R3HCC1L: variants seen among roughly 807,000 people sequenced by gnomAD.
The protein encoded by R3HCC1L is coiled-coil domain-containing protein R3HCC1L.
A neutral mutation model predicts 59.9 loss-of-function variants in R3HCC1L; 51 were observed. The observed-to-expected ratio is 0.85, with a 90% CI of 0.68 to 1.07. The LOEUF (loss-of-function observed/expected upper bound fraction) is 1.07, where lower values mean the gene tolerates loss of function less well. Ranked by LOEUF, R3HCC1L falls within the 50% of genes least tolerant of loss-of-function variation. The pLI is 0.00. For synonymous variants in R3HCC1L, 322 were observed against 315.2 expected, an observed-to-expected ratio of 1.02 and a Z score of -0.23; for missense variants, 965 against 933.0, an observed-to-expected ratio of 1.03 and a Z score of -0.45.
intron 4 of R3HCC1L, among the ~76,000 whole-genome samples, chr10:98,177,261 A>G (rs957430609): frequency 2.0e-5 from 3 of 151,852 alleles, no homozygotes; most frequent in African/African-American, 4.8e-5. Flanking sequence ...ATTCCCACCT[A>G]TGAGTGAGAA....
At chr10:98,243,114 A>G (rs1857724301) in intron 9 of R3HCC1L, among the ~76,000 whole-genome samples, 1 of 152,260 alleles carries the variant, frequency 6.6e-6, no homozygotes, top group African/African-American at 2.4e-5. Flanking sequence ...GTACAGTCAA[A>G]TACAGTATAG....
intron 1 of R3HCC1L, among the ~76,000 whole-genome samples, chr10:98,149,890 C>T (rs1232237891): frequency 6.6e-6 from 1 of 152,176 alleles, no homozygotes; most frequent in African/African-American, 2.4e-5. Flanking sequence ...TCTGGATGAT[C>T]TGTCCTTTAC....
At chr10:98,240,840 TGTA>T (rs1473310619) in intron 9 of R3HCC1L, among the ~76,000 whole-genome samples, 165 of 151,358 alleles carry the variant, frequency 1.1e-3, no homozygotes, top group Admixed American at 2.1e-3. Flanking sequence ...TTTTCTGTGA[TGTA>T]GCGTTTACTC....
At chr10:98,232,585 A>G (rs907683709) in intron 6 of R3HCC1L, among the ~76,000 whole-genome samples, 1 of 152,228 alleles carries the variant, frequency 6.6e-6, no homozygotes, top group African/African-American at 2.4e-5. Flanking sequence ...AGGGTCTGGA[A>G]GAAAGTCAGT....
At chr10:98,225,367 C>T (rs1465582798) in intron 5 of R3HCC1L, among the ~76,000 whole-genome samples, 1 of 152,212 alleles carries the variant, frequency 6.6e-6, no homozygotes, top group Non-Finnish European at 1.5e-5. Flanking sequence ...GACACTTTCT[C>T]CCTTTTATGC....
chr10:98,231,335 G>T (rs1427645190), intron 5 of R3HCC1L, among the ~76,000 whole-genome samples, 177 bp from the exon 6 acceptor site: 1 of 152,078 alleles, frequency 6.6e-6, no homozygotes, highest in Non-Finnish European at 1.5e-5. Context: ...GTATAAACTG[G>T]GCGATAAGCA....
chr10:98,174,603 C>T (rs1848816899), intron 4 of R3HCC1L: 1 of 984,878 alleles, frequency 1.0e-6, no homozygotes, highest in African/African-American at 1.7e-5. Flanking sequence ...AAACACAACT[C>T]ATTTAGGAGG....
chr10:98,200,313 T>C (rs1211237697), intron 4 of R3HCC1L, among the ~76,000 whole-genome samples: 1 of 152,122 alleles, frequency 6.6e-6, no homozygotes, highest in Non-Finnish European at 1.5e-5. Flanking sequence ...CCAGGATACA[T>C]GGTTGCAATA....
rs1284390575 is a variant in R3HCC1L, at chr10:98,176,263, G to C, written c.-15+12866G>C. ...TTACTTTGGCGATTCCAGTTCCTATGCCTCTTCATATCCATTTTAAAATCA... is the reference window on the plus strand; with the variant it reads ...TTACTTTGGCGATTCCAGTTCCTATCCCTCTTCATATCCATTTTAAAATCA... On this transcript the variant is annotated intron_variant, in intron 4 of 9. Transcript: ENST00000298999. 7.2e-5 allele frequency among the ~76,000 whole-genome samples: 11 copies of C among 152,050 alleles called. No homozygotes were observed. The East Asian group carries it at 2.1e-3, about 29-fold the overall frequency.
chr10:98,235,518 C>T lies in R3HCC1L; in HGVS notation c.2126C>T (p.Ala709Val), dbSNP rs1329122576. The change falls in exon 8 of 10, where the codon GCT becomes GTT. Residue 709 changes from alanine to valine, a missense_variant and splice_region_variant. Ala to Val is a moderately conservative substitution (Grantham distance 64, BLOSUM62 0). Coordinates refer to ENST00000298999, the MANE Select transcript of R3HCC1L (RefSeq NM_001351015.2). The stretch of plus-strand genomic sequence containing the variant: ...GCCAAGGCCAAAGCTAGAGCTTATG[C>T]TGGTGAGTCTATAATCTCTGGGTTT... ...RAAKAKARAY[A>V]EFLQPAKERP... 3.7e-6 allele frequency: 6 copies of T among 1,607,278 alleles called. No homozygotes were observed. Among genetic ancestry groups the T allele is most frequent in the Non-Finnish European group, 4.3e-6 (5 of 1,176,044 alleles).
chr10:98,144,945 A>G (rs1054765181), intron 1 of R3HCC1L, among the ~76,000 whole-genome samples: 1 of 152,238 alleles, frequency 6.6e-6, no homozygotes, highest in East Asian at 1.9e-4. Flanking sequence ...TGAGTACAGT[A>G]TGTGAACTGA....
At chr10:98,231,736 T>G (rs1043131892) in intron 6 of R3HCC1L, 49 bp downstream of exon 6, 1 of 1,461,036 alleles carries the variant, frequency 6.8e-7, no homozygotes, top group Non-Finnish European at 9.2e-7. Context: ...GATGAAGTCT[T>G]TAAAAAATGT....
At chr10:98,238,000 T>A (rs1857144119) in intron 9 of R3HCC1L, among the ~76,000 whole-genome samples, 1 of 152,182 alleles carries the variant, frequency 6.6e-6, no homozygotes, top group East Asian at 1.9e-4. Context: ...TCTGGAGGCC[T>A]GTTTTCTCAT....
At chr10:98,229,930 C>T (rs1208096052) in intron 5 of R3HCC1L, among the ~76,000 whole-genome samples, 1 of 152,170 alleles carries the variant, frequency 6.6e-6, no homozygotes, top group African/African-American at 2.4e-5. Flanking sequence ...AGGGATGAAG[C>T]CAACTTGATC....
At chr10:98,152,311 A>G (rs1229898094) in intron 1 of R3HCC1L, among the ~76,000 whole-genome samples, 1 of 150,954 alleles carries the variant, frequency 6.6e-6, no homozygotes, top group Non-Finnish European at 1.5e-5. Context: ...TACGACCTCC[A>G]CCTCCCAGCC....
chr10:98,136,751 C>T (rs753613454), intron 1 of R3HCC1L, among the ~76,000 whole-genome samples: 16 of 151,910 alleles, frequency 1.1e-4, no homozygotes, highest in Non-Finnish European at 2.4e-4. Flanking sequence ...GCGCGAGAAT[C>T]GCTTGAGTCC....
intron 4 of R3HCC1L, among the ~76,000 whole-genome samples, chr10:98,177,094 A>G (rs1364624231): frequency 1.3e-5 from 2 of 152,022 alleles, no homozygotes; most frequent in African/African-American, 4.8e-5. Context: ...GGTTTGTTAC[A>G]TATGTATACA....
At chr10:98,146,992 C>A (rs78417621) in intron 1 of R3HCC1L, among the ~76,000 whole-genome samples, 3,536 of 152,224 alleles carry the variant, frequency 0.023, 113 homozygotes, top group African/African-American at 0.076. Flanking sequence ...ATACTGTTCC[C>A]CATAGTGGCT....
intron 1 of R3HCC1L, among the ~76,000 whole-genome samples, chr10:98,135,655 T>C (rs1284608922): frequency 6.6e-6 from 1 of 152,212 alleles, no homozygotes; most frequent in Non-Finnish European, 1.5e-5. Context: ...AGGTTCCTAG[T>C]GAAGAGGTGA....
Sources: gnomAD v4.1 joint callset for allele counts (sites outside exome capture counted in the v4.1 genomes callset) on GRCh38, gnomAD v4.1.1 for gene constraint, MANE v1.5 for transcripts, NCBI Gene and HGNC (gene_info 2026-07-23, HGNC 2026-07-21) for gene names.